The following FREM2 variants were observed in gnomAD, a reference collection of about 807,000 sequenced individuals.
FREM2 encodes FRAS1-related extracellular matrix protein 2.
A neutral mutation model predicts 219.9 loss-of-function variants in FREM2; 119 were observed. That is an observed-to-expected ratio of 0.54 (90% CI 0.47 to 0.63). The LOEUF (loss-of-function observed/expected upper bound fraction) is 0.63. FREM2 is among the 30% of genes least tolerant of loss of function. FREM2 has a pLI of 0.00. For synonymous variants in FREM2, 1,562 were observed against 1,522.8 expected (o/e 1.03, Z -0.60); for missense variants, 4,030 against 3,993.6 (o/e 1.01, Z -0.25).
At chr13:38,787,502 C>T (rs1045942006) in intron 6 of FREM2, among the ~76,000 whole-genome samples, 1 of 152,032 alleles carries the variant, frequency 6.6e-6, no homozygotes, top group Non-Finnish European at 1.5e-5. Context: ...CACCTTTTCT[C>T]AGCACAAAAC....
chr13:38,881,388 C>G lies in FREM2; in HGVS notation c.*601C>G, dbSNP rs924197705. On this transcript the variant is annotated 3_prime_UTR_variant, in exon 24 of 24. Transcript: ENST00000280481. ...AGATAGAGGGAAGGAAGTTCACTCA[C>G]TTGAATTTGAATTGCTTCTCATTCT... 3 of 154,980 alleles carry G rather than the reference C, an allele frequency of 1.9e-5. No individual in the cohort carries two copies. The highest frequency in any genetic ancestry group is 6.4e-5 in the Admixed American group (1 of 15,742). 9.6% of individuals were successfully genotyped at this position (154,980 alleles called of 1,614,324 possible). A position where few individuals can be genotyped will look rare whatever the true frequency, so the allele number is the denominator to read the frequency against.
chr13:38,819,612 T>C (rs771717758), intron 6 of FREM2, among the ~76,000 whole-genome samples: 5 of 152,140 alleles, frequency 3.3e-5, no homozygotes, highest in Non-Finnish European at 5.9e-5. Context: ...TTAAATTAAC[T>C]TATGTCTTTA....
intron 6 of FREM2, among the ~76,000 whole-genome samples, chr13:38,839,300 C>T (rs1441466764): frequency 1.1e-4 from 17 of 152,198 alleles, no homozygotes; most frequent in African/African-American, 2.4e-5. Context: ...GGCTGCAGAA[C>T]AGCGAAGATT....
At chr13:38,719,665 T>G (rs1393241524) in intron 2 of FREM2, among the ~76,000 whole-genome samples, 1 of 152,220 alleles carries the variant, frequency 6.6e-6, no homozygotes, top group East Asian at 1.9e-4. Flanking sequence ...GCAAACTTAA[T>G]TTCATTTTCA....
In FREM2 at chr13:38,690,893, C is replaced by T; in HGVS notation, c.3549C>T (p.Ile1183=). 3 of 1,614,088 alleles carry T rather than the reference C, an allele frequency of 1.9e-6. No individual in the cohort carries two copies. Among genetic ancestry groups the T allele is most frequent in the Non-Finnish European group, 2.5e-6 (3 of 1,179,962 alleles). ...FSERQFFPIV[I]IPTNDEQPEM... is the part of the protein sequence containing the mutation. ...AGAGACAGTTCTTCCCCATTGTAAT[C>T]ATTCCCACCAATGATGAACAGCCAG... The change falls in exon 1 of 24, where the codon ATC becomes ATT. Residue 1183 remains isoleucine, a synonymous_variant. Transcript: ENST00000280481.
intron 6 of FREM2, among the ~76,000 whole-genome samples, chr13:38,801,684 G>A (rs1875014114): frequency 6.6e-6 from 1 of 152,150 alleles, no homozygotes; most frequent in Admixed American, 6.5e-5. Context: ...CTGGGAACTA[G>A]GATGCTAGGT....
chr13:38,786,866 C>T (rs1874352048), intron 6 of FREM2, among the ~76,000 whole-genome samples: 2 of 152,122 alleles, frequency 1.3e-5, no homozygotes, highest in Non-Finnish European at 2.9e-5. Flanking sequence ...CTTAGAGAGA[C>T]TAGTTGATTA....
intron 2 of FREM2, among the ~76,000 whole-genome samples, chr13:38,727,908 T>G (rs931225549): frequency 6.6e-6 from 1 of 152,230 alleles, no homozygotes; most frequent in Non-Finnish European, 1.5e-5. Context: ...TACAAGTTAA[T>G]CCAAGCTTGT....
At chr13:38,845,118 A>G (rs931046882) in intron 6 of FREM2, among the ~76,000 whole-genome samples, 22 of 152,346 alleles carry the variant, frequency 1.4e-4, no homozygotes, top group African/African-American at 5.3e-4. Context: ...TTGGTTTTCT[A>G]CTATTCAAGA....
At chr13:38,764,972 G>A (rs1266763179) in intron 3 of FREM2, among the ~76,000 whole-genome samples, 2 of 152,132 alleles carry the variant, frequency 1.3e-5, no homozygotes, top group African/African-American at 2.4e-5. Context: ...GTGCAGTGGC[G>A]TGATCTCAGC....
At chr13:38,745,021 T>C (rs1439132754) in intron 2 of FREM2, among the ~76,000 whole-genome samples, 1 of 152,220 alleles carries the variant, frequency 6.6e-6, no homozygotes, top group African/African-American at 2.4e-5. Flanking sequence ...ATTCTGGCCC[T>C]TGTTTTCTCT....
chr13:38,764,799 A>G (rs543376745), intron 3 of FREM2, among the ~76,000 whole-genome samples: 165 of 152,388 alleles, frequency 1.1e-3, no homozygotes, highest in Non-Finnish European at 1.8e-3. Flanking sequence ...TCTTTGTAAC[A>G]ACAGTAAATT....
chr13:38,816,589 G>A (rs1209948376), intron 6 of FREM2, among the ~76,000 whole-genome samples: 3 of 152,152 alleles, frequency 2.0e-5, no homozygotes, highest in Non-Finnish European at 4.4e-5. Context: ...TGCAGTAACA[G>A]CCATATATGA....
intron 6 of FREM2, among the ~76,000 whole-genome samples, chr13:38,808,394 G>A (rs1875335924): frequency 6.6e-6 from 1 of 151,884 alleles, no homozygotes; most frequent in Admixed American, 6.6e-5. Flanking sequence ...TTCACAACTT[G>A]GATAACTGTT....
At chr13:38,762,585 A>G (rs1782632019) in intron 2 of FREM2, among the ~76,000 whole-genome samples, 2 of 151,968 alleles carry the variant, frequency 1.3e-5, no homozygotes, top group South Asian at 4.2e-4. Flanking sequence ...GATTACAGGC[A>G]TGCGCCACCA....
At chr13:38,833,408 CTTAG>C (rs1204799350) in intron 6 of FREM2, among the ~76,000 whole-genome samples, 1 of 151,986 alleles carries the variant, frequency 6.6e-6, no homozygotes, top group Non-Finnish European at 1.5e-5. Flanking sequence ...TCTCCCTATT[CTTAG>C]TTATTTTTTA....
chr13:38,691,035 C>G lies in FREM2; in HGVS notation c.3691C>G (p.Gln1231Glu). 6.2e-7 allele frequency: 1 copy of G among 1,614,084 alleles called. No homozygotes were observed. Among genetic ancestry groups the G allele is most frequent in the Non-Finnish European group, 8.5e-7 (1 of 1,180,020 alleles). The change falls in exon 1 of 24, where the codon CAA (glutamine) becomes GAA (glutamate). Residue 1231 changes from glutamine (Q) to glutamate (E), a missense_variant. Transcript: ENST00000280481. ...GGATGATTTAACTTTCACTATTACCCAATTCCCCACTCATGGTCACATCAT... is the reference window on the plus strand; with the variant it reads ...GGATGATTTAACTTTCACTATTACCGAATTCCCCACTCATGGTCACATCAT... ...PLDDLTFTITQFPTHGHIMNQ... is the reference protein window; with the variant it reads ...PLDDLTFTITEFPTHGHIMNQ...
rs535915840 is a variant in FREM2 at position 38,776,882 on chromosome 13, C to T, written c.5642-6188C>T. On this transcript the variant is annotated intron_variant, in intron 4 of 23. Coordinates refer to ENST00000280481, the MANE Select transcript of FREM2 (RefSeq NM_207361.6). ...TAACCATTGTTAACATTTGAGAGCACGACCCTGCAGTCATTTTTTTTCTAT... is the reference window on the plus strand; with the variant it reads ...TAACCATTGTTAACATTTGAGAGCATGACCCTGCAGTCATTTTTTTTCTAT... Among the ~76,000 whole-genome samples the T allele has an allele frequency of 1.6e-4, 25 of 151,920 alleles. No individual in the cohort carries two copies. In the South Asian group the frequency reaches 2.1e-3, roughly 13 times the overall value.
chr13:38,863,892 G>C (rs1363431096), intron 15 of FREM2, among the ~76,000 whole-genome samples: 1 of 152,038 alleles, frequency 6.6e-6, no homozygotes, highest in Non-Finnish European at 1.5e-5. Context: ...GAGTGCAGTG[G>C]TGCGATCTCA....
Sources: gnomAD v4.1 joint callset for allele counts (sites outside exome capture counted in the v4.1 genomes callset) on GRCh38, gnomAD v4.1.1 for gene constraint, MANE v1.5 for transcripts, NCBI Gene and HGNC (gene_info 2026-07-23, HGNC 2026-07-21) for gene names.